The following PPFIA2 variants were observed in gnomAD, a reference collection of about 807,000 sequenced individuals.
PPFIA2 encodes liprin-alpha-2.
Under a neutral mutation model 175.5 loss-of-function variants are expected in PPFIA2, and 46 were observed. The ratio of observed to expected loss-of-function variants is 0.26; its 90% CI spans 0.21 to 0.34. PPFIA2 has a LOEUF of 0.34. PPFIA2 is among the 10% of genes least tolerant of loss of function. The probability of loss-of-function intolerance (pLI) is 1.00; values close to 1 mark genes in which losing one functional copy is unlikely to be tolerated. For synonymous variants in PPFIA2, 568 were observed against 511.4 expected (o/e 1.11, Z -1.49); for missense variants, 1,179 against 1,506.1 (o/e 0.78, Z 3.60).
chr12:81,390,828 C>T (rs901834233), intron 8 of PPFIA2, among the ~76,000 whole-genome samples: 12 of 151,210 alleles, frequency 7.9e-5, no homozygotes, highest in African/African-American at 2.9e-4. Context: ...GGCTTGGGCT[C>T]ACGGTGTCAT....
intron 7 of PPFIA2, among the ~76,000 whole-genome samples, chr12:81,407,740 A>G (rs899019943): frequency 2.0e-5 from 3 of 152,224 alleles, no homozygotes; most frequent in East Asian, 1.9e-4. Flanking sequence ...CAGCTATCAC[A>G]GGGGACACAA....
Position 81,316,093 on chromosome 12 carries a change from C to T in PPFIA2, c.2642+9684G>A, listed in dbSNP as rs557325799. 6.1e-4 allele frequency among the ~76,000 whole-genome samples: 92 copies of T among 151,350 alleles called. No individual in the cohort carries two copies. The South Asian group carries it at 0.013, about 22-fold the overall frequency. ...AATTTTATGTTTGTGTGTGTGTCTA[C>T]GAAAATATACTTAATACACACACAC... On this transcript the variant is annotated intron_variant, in intron 22 of 32. Coordinates refer to ENST00000549396, the MANE Select transcript of PPFIA2 (RefSeq NM_003625.5).
At position 81,630,895 on chromosome 12, in the gene PPFIA2, ATATATT is replaced by A. The variant is rs1037172396; in HGVS notation, c.303+45890_303+45895del. On this transcript the variant is annotated intron_variant, in intron 4 of 32. Coordinates refer to ENST00000549396, the MANE Select transcript of PPFIA2 (RefSeq NM_003625.5). ...CTATGGAAAGGCTATATATATATAT[ATATATT>A]TTTTTTTTTTTTCCAGACAGAGTCT... 2.5e-4 allele frequency among the ~76,000 whole-genome samples: 20 copies of A among 78,610 alleles called. No homozygotes were observed. The East Asian group carries it at 3.5e-3, about 14-fold the overall frequency. 51.6% of individuals were successfully genotyped at this position (78,610 alleles called of 152,430 possible). A position where few individuals can be genotyped will look rare whatever the true frequency, so the allele number is the denominator to read the frequency against.
chr12:81,384,024 T>C lies in PPFIA2; in HGVS notation c.983A>G (p.Glu328Gly). The C allele has an allele frequency of 6.2e-7, 1 of 1,604,734 alleles. No homozygotes were observed. Among genetic ancestry groups the C allele is most frequent in the Non-Finnish European group, 8.5e-7 (1 of 1,172,438 alleles). ...MNTKYQRDIR[E>G]AMAQKEDMEE... ...CTGAAAGTGGCATGAATCACTTACC[T>C]CCCTAATGTCCCTTTGATACTTGGT... Residue 328 changes from glutamate to glycine, a missense_variant and splice_region_variant, in exon 9 of 33, where the codon GAG becomes GGG. Physicochemically the swap from Glu to Gly is moderately conservative, Grantham distance 98. Transcript: ENST00000549396.
chr12:81,564,251 G>A (rs914911897), intron 4 of PPFIA2, among the ~76,000 whole-genome samples: 1 of 151,956 alleles, frequency 6.6e-6, no homozygotes, highest in East Asian at 1.9e-4. Flanking sequence ...TTTGAAATGA[G>A]AAAATTTACA....
chr12:81,708,218 AAG>A (rs926906898), intron 3 of PPFIA2, among the ~76,000 whole-genome samples: 1 of 152,114 alleles, frequency 6.6e-6, no homozygotes, highest in Non-Finnish European at 1.5e-5. Flanking sequence ...TAGAAAAAAA[AAG>A]AAATGTATAG....
chr12:81,663,569 C>T (rs574392924), intron 4 of PPFIA2, among the ~76,000 whole-genome samples: 25 of 152,268 alleles, frequency 1.6e-4, no homozygotes, highest in African/African-American at 5.5e-4. Context: ...ACATTCCATG[C>T]TCATGGATAG....
At chr12:81,444,530 C>CTTA (rs1232421270) in intron 6 of PPFIA2, among the ~76,000 whole-genome samples, 1 of 151,888 alleles carries the variant, frequency 6.6e-6, no homozygotes, top group Non-Finnish European at 1.5e-5. Flanking sequence ...CAAAATAATT[C>CTTA]TTATACTAAT....
chr12:81,757,232 C>T lies in PPFIA2; in HGVS notation c.-3+1168G>A, dbSNP rs571641724. Among the ~76,000 whole-genome samples, 5 of 152,250 alleles carry T rather than the reference C, an allele frequency of 3.3e-5. No individual in the cohort carries two copies. In the South Asian group the frequency reaches 6.2e-4, roughly 19 times the overall value. On this transcript the variant is annotated intron_variant, in intron 2 of 32. Transcript: ENST00000549396. ...GACATCTGAAGCAGCTTGCACAGTC[C>T]GGAAGGCTATGGTCATTCAATGTCT...
intron 17 of PPFIA2, among the ~76,000 whole-genome samples, chr12:81,351,066 A>G (rs1162870560): frequency 6.6e-6 from 1 of 152,178 alleles, no homozygotes; most frequent in Non-Finnish European, 1.5e-5. Flanking sequence ...TGTCATTGGA[A>G]TTCAAGAAAC....
chr12:81,328,470 G>C (rs550838407), intron 21 of PPFIA2, among the ~76,000 whole-genome samples: 1 of 152,178 alleles, frequency 6.6e-6, no homozygotes, highest in Non-Finnish European at 1.5e-5. Context: ...GTGTTAAAAT[G>C]AGATTATTGT....
chr12:81,654,324 A>G (rs1365301375), intron 4 of PPFIA2, among the ~76,000 whole-genome samples: 2 of 152,024 alleles, frequency 1.3e-5, no homozygotes, highest in Non-Finnish European at 2.9e-5. Context: ...TAACAAATGT[A>G]AAATAAACAA....
At chr12:81,547,336 G>A (rs2067154928) in intron 4 of PPFIA2, among the ~76,000 whole-genome samples, 3 of 151,808 alleles carry the variant, frequency 2.0e-5, no homozygotes, top group African/African-American at 7.3e-5. Flanking sequence ...TCACTGTAGG[G>A]TAACAACTGT....
intron 4 of PPFIA2, among the ~76,000 whole-genome samples, chr12:81,629,434 G>A (rs1208548611): frequency 1.3e-5 from 2 of 151,966 alleles, no homozygotes; most frequent in Non-Finnish European, 2.9e-5. Context: ...GGGAGGGCTG[G>A]ATCTTTCATC....
chr12:81,538,340 G>T (rs1455294481), intron 4 of PPFIA2, among the ~76,000 whole-genome samples: 1 of 151,842 alleles, frequency 6.6e-6, no homozygotes, highest in East Asian at 1.9e-4. Context: ...TTACATGCAT[G>T]TTCATGGGTG....
intron 4 of PPFIA2, among the ~76,000 whole-genome samples, chr12:81,507,063 T>C (rs535849767): frequency 2.6e-5 from 4 of 152,320 alleles, no homozygotes; most frequent in African/African-American, 7.2e-5. Context: ...GAGAAAATAG[T>C]TATTCAAATA....
chr12:81,509,779 G>A (rs2061575217), intron 4 of PPFIA2, among the ~76,000 whole-genome samples: 1 of 152,034 alleles, frequency 6.6e-6, no homozygotes, highest in African/African-American at 2.4e-5. Context: ...AAAGGAACTT[G>A]GACGTCATCT....
intron 18 of PPFIA2, among the ~76,000 whole-genome samples, chr12:81,344,963 G>C (rs926391959): frequency 3.9e-5 from 6 of 152,208 alleles, no homozygotes; most frequent in South Asian, 4.1e-4. Flanking sequence ...CATGGACCCT[G>C]GGAAAGAGAA....
intron 4 of PPFIA2, among the ~76,000 whole-genome samples, chr12:81,551,777 G>T (rs1264795455): frequency 6.6e-6 from 1 of 151,808 alleles, no homozygotes; most frequent in Non-Finnish European, 1.5e-5. Context: ...TTTCAAATAA[G>T]CATATTTATG....
Sources: gnomAD v4.1 joint callset for allele counts (sites outside exome capture counted in the v4.1 genomes callset) on GRCh38, gnomAD v4.1.1 for gene constraint, MANE v1.5 for transcripts, NCBI Gene and HGNC (gene_info 2026-07-23, HGNC 2026-07-21) for gene names.